The following FBXL20 variants were observed in gnomAD, a reference collection of about 807,000 sequenced individuals.
FBXL20 encodes F-box/LRR-repeat protein 20.
In FBXL20, 11 loss-of-function variants were observed where a neutral mutation model predicts 64.0. That is an observed-to-expected ratio of 0.17 (90% CI 0.11 to 0.28). The LOEUF (loss-of-function observed/expected upper bound fraction) is 0.28. FBXL20 is among the 10% of genes least tolerant of loss of function. The pLI is 1.00. For missense variants in FBXL20, 303 were observed against 526.2 expected (o/e 0.58, Z 4.15); for synonymous variants, 184 against 189.0 (o/e 0.97, Z 0.22).
At position 39,274,995 on chromosome 17, in the gene FBXL20, G is replaced by A. The variant is rs1325271697; in HGVS notation, c.802C>T (p.Leu268=). The change falls in exon 10 of 15, where the codon CTA becomes TTA. Residue 268 remains leucine, a synonymous_variant. Coordinates refer to ENST00000264658, the MANE Select transcript of FBXL20 (RefSeq NM_032875.3). ...SNITDAILNA[L]GQNCPRLRIL... Reference sequence around the variant, plus strand: ...CTAAGCCGTGGGCAGTTCTGACCTAGAGCATTCAGGATGGCATCTGTGATG... The same window carrying A: ...CTAAGCCGTGGGCAGTTCTGACCTAAAGCATTCAGGATGGCATCTGTGATG... 6.2e-7 allele frequency: 1 copy of A among 1,614,022 alleles called. No homozygotes were observed. The highest frequency in any genetic ancestry group is 1.7e-5 in the Admixed American group (1 of 59,976).
rs4325601 is a variant in FBXL20 at position 39,255,176 on chromosome 17, G to A, written c.*6284C>T. On this transcript the variant is annotated 3_prime_UTR_variant, in exon 15 of 15. Coordinates refer to ENST00000264658, the MANE Select transcript of FBXL20 (RefSeq NM_032875.3). Reference sequence around the variant, plus strand: ...CAACGGGCCGGGCGCGGTGGCTCACGCCTGTAATCCCAGCACTTTGGGAGG... The same window carrying A: ...CAACGGGCCGGGCGCGGTGGCTCACACCTGTAATCCCAGCACTTTGGGAGG... 93,890 of 152,010 alleles carry A rather than the reference G, an allele frequency of 0.62. 32,207 individuals carry two copies. The highest frequency in any genetic ancestry group is 0.89 in the South Asian group (4,274 of 4,808). The allele number at this position is 152,010 out of a possible 1,614,324, so 9.4% of individuals were successfully genotyped here.
chr17:39,272,326 C>T (rs1464462891), intron 10 of FBXL20, among the ~76,000 whole-genome samples: 1 of 150,586 alleles, frequency 6.6e-6, no homozygotes, highest in Non-Finnish European at 1.5e-5. Context: ...GCGGAGTTTG[C>T]AGTGAGCTGA....
chr17:39,387,789 G>C (rs775085819), intron 1 of FBXL20, among the ~76,000 whole-genome samples: 2 of 151,842 alleles, frequency 1.3e-5, no homozygotes, highest in Non-Finnish European at 2.9e-5. Flanking sequence ...TATTGCTCAA[G>C]CTGGTCTTGA....
chr17:39,336,159 G>A (rs1264383344), intron 2 of FBXL20, among the ~76,000 whole-genome samples: 1 of 151,994 alleles, frequency 6.6e-6, no homozygotes, highest in Non-Finnish European at 1.5e-5. Flanking sequence ...ATAAAATAGA[G>A]GAACCAAGAA....
At chr17:39,387,590 T>C (rs2048094755) in intron 1 of FBXL20, among the ~76,000 whole-genome samples, 1 of 151,430 alleles carries the variant, frequency 6.6e-6, no homozygotes, top group Non-Finnish European at 1.5e-5. Context: ...TTTTTTTTTT[T>C]TTTTTGAGAC....
intron 2 of FBXL20, among the ~76,000 whole-genome samples, chr17:39,316,714 G>A (rs887568220): frequency 2.0e-5 from 3 of 152,220 alleles, no homozygotes; most frequent in Admixed American, 1.3e-4. Context: ...GGCTGGGCAC[G>A]GTGGCTCACG....
At chr17:39,386,292 G>C (rs1287997656) in intron 1 of FBXL20, among the ~76,000 whole-genome samples, 1 of 151,826 alleles carries the variant, frequency 6.6e-6, no homozygotes, top group East Asian at 1.9e-4. Context: ...GGGTGACAGA[G>C]CAAGACTCTG....
intron 1 of FBXL20, among the ~76,000 whole-genome samples, chr17:39,359,520 T>C (rs1428173317): frequency 6.6e-6 from 1 of 152,038 alleles, no homozygotes; most frequent in Non-Finnish European, 1.5e-5. Flanking sequence ...GGAGAACTGC[T>C]TGAACCCGGG....
chr17:39,330,955 T>G (rs2047454565), intron 2 of FBXL20, among the ~76,000 whole-genome samples: 1 of 152,200 alleles, frequency 6.6e-6, no homozygotes, highest in Non-Finnish European at 1.5e-5. Context: ...AATCCTAAAT[T>G]ACAATACTAG....
chr17:39,337,258 G>A (rs917004143), intron 2 of FBXL20, among the ~76,000 whole-genome samples: 4 of 152,212 alleles, frequency 2.6e-5, no homozygotes, highest in Admixed American at 2.6e-4. Flanking sequence ...AAGGTGCCGG[G>A]ATTGCAGACG....
chr17:39,334,821 G>A (rs2047504694), intron 2 of FBXL20, among the ~76,000 whole-genome samples: 2 of 152,186 alleles, frequency 1.3e-5, no homozygotes, highest in Non-Finnish European at 2.9e-5. Context: ...TGGGCACAGT[G>A]GCTCATGCCT....
At chr17:39,364,134 C>A (rs141657380) in intron 1 of FBXL20, among the ~76,000 whole-genome samples, 2 of 152,170 alleles carry the variant, frequency 1.3e-5, no homozygotes, top group Non-Finnish European at 2.9e-5. Context: ...AAGTGATCCG[C>A]CCACCTCAGT....
intron 2 of FBXL20, among the ~76,000 whole-genome samples, chr17:39,308,706 A>C (rs649180): frequency 0.19 from 28,081 of 151,454 alleles, 2,819 homozygotes; most frequent in Admixed American, 0.24. Context: ...CTGGCACTAC[A>C]GGCGCCGAAC....
intron 1 of FBXL20, among the ~76,000 whole-genome samples, chr17:39,349,324 C>CAAAAAAAA (rs1170336581): frequency 2.5e-5 from 1 of 40,516 alleles, no homozygotes; most frequent in Non-Finnish European, 4.1e-5. Flanking sequence ...GATTCCATCT[C>CAAAAAAAA]AAAAAAAAAA....
rs766052838 is a variant in FBXL20, at chr17:39,270,818, A to C, written c.866T>G (p.Val289Gly). Residue 289 changes from valine to glycine, a missense_variant, in exon 11 of 15, where the codon GTG (valine) becomes GGG (glycine). Val to Gly is a moderately radical substitution (Grantham distance 109). Transcript: ENST00000264658. ...TACCCTGGCTAGAGTGGTAAAGCCCACATCTGTTAATTGAGAACATCTTGC... is the reference window on the plus strand; with the variant it reads ...TACCCTGGCTAGAGTGGTAAAGCCCCCATCTGTTAATTGAGAACATCTTGC... ...EVARCSQLTD[V>G]GFTTLARNCH... 2 of 1,610,206 alleles carry C rather than the reference A, an allele frequency of 1.2e-6. No individual in the cohort carries two copies. Among genetic ancestry groups the C allele is most frequent in the Non-Finnish European group, 1.7e-6 (2 of 1,178,502 alleles).
intron 1 of FBXL20, among the ~76,000 whole-genome samples, chr17:39,347,759 C>T (rs1303037140): frequency 1.3e-5 from 2 of 152,102 alleles, no homozygotes; most frequent in Admixed American, 6.6e-5. Context: ...TCATGGAGTC[C>T]TTGCCCACCC....
At chr17:39,300,882 T>C (rs2047128131) in intron 4 of FBXL20, 119 bp downstream of exon 4, 1 of 911,200 alleles carries the variant, frequency 1.1e-6, no homozygotes, top group Non-Finnish European at 1.6e-6. Context: ...AAAGTTCAGA[T>C]GCACTGAAAA....
rs1024012415 is a variant in FBXL20 at position 39,269,499 on chromosome 17, CTT to C, written c.889-630_889-629del. On this transcript the variant is annotated intron_variant, in intron 11 of 14. Transcript: ENST00000264658. Reference sequence around the variant, plus strand: ...TGAGCCATCGCGCCCGGCCTTTCCTCTTTTTTTTTTTTTTTTTTGAGACAGAG... The same window carrying C: ...TGAGCCATCGCGCCCGGCCTTTCCTCTTTTTTTTTTTTTTTTGAGACAGAG... Among the ~76,000 whole-genome samples, 373 of 116,674 alleles carry C rather than the reference CTT, an allele frequency of 3.2e-3. 1 individual carries two copies. The highest frequency in any genetic ancestry group is 0.011 in the African/African-American group (327 of 29,732). 76.5% of individuals were successfully genotyped at this position (116,674 alleles called of 152,430 possible).
intron 12 of FBXL20, among the ~76,000 whole-genome samples, chr17:39,265,686 A>G (rs199927940): frequency 6.9e-6 from 1 of 145,176 alleles, no homozygotes; most frequent in Admixed American, 6.9e-5. Flanking sequence ...AAATTAAAAA[A>G]ATTTTTTTTT....
Sources: allele counts gnomAD v4.1 joint callset (sites outside exome capture counted in the v4.1 genomes callset), GRCh38; gene constraint gnomAD v4.1.1; transcripts MANE v1.5; gene names NCBI Gene and HGNC (gene_info 2026-07-23, HGNC 2026-07-21).